The following ZNF93 variants were observed in gnomAD, a reference collection of about 807,000 sequenced individuals.
ZNF93 encodes the protein zinc finger protein 505.
A neutral mutation model predicts 45.0 loss-of-function variants in ZNF93; 29 were observed. The observed-to-expected ratio is 0.64, with a 90% CI of 0.48 to 0.88. The LOEUF (loss-of-function observed/expected upper bound fraction) is 0.88. ZNF93 is among the 40% of genes least tolerant of loss of function. The pLI is 0.00. For missense variants in ZNF93, 578 were observed against 724.0 expected, an observed-to-expected ratio of 0.80 and a Z score of 2.31; for synonymous variants, 223 against 244.6, an observed-to-expected ratio of 0.91 and a Z score of 0.82.
chr19:19,927,461 A>T (rs982246519), intron 3 of ZNF93: 1 of 346,552 alleles, frequency 2.9e-6, no homozygotes, highest in African/African-American at 2.1e-5. Flanking sequence ...ATGTCCATTA[A>T]GTAACAACTG....
At chr19:19,901,711 C>T (rs541629762) in intron 1 of ZNF93, among the ~76,000 whole-genome samples, 2 of 152,254 alleles carry the variant, frequency 1.3e-5, no homozygotes, top group East Asian at 1.9e-4. Flanking sequence ...AAGTTTGTGT[C>T]TAGCCCAACC....
intron 1 of ZNF93, among the ~76,000 whole-genome samples, chr19:19,914,529 A>T (rs1201791129): frequency 6.6e-6 from 1 of 152,212 alleles, no homozygotes; most frequent in Non-Finnish European, 1.5e-5. Flanking sequence ...GTCCTAGTGC[A>T]GTTAATGGTT....
At position 19,933,943 on chromosome 19, in the gene ZNF93, A is replaced by G. The variant is rs1385850118; in HGVS notation, c.988A>G (p.Thr330Ala). The G allele has an allele frequency of 6.2e-7, 1 of 1,610,328 alleles. No homozygotes were observed. The highest frequency in any genetic ancestry group is 1.7e-5 in the Admixed American group (1 of 59,708). Residue 330 changes from threonine to alanine, a missense_variant, in exon 4 of 4, where the codon ACA becomes GCA. Around this residue, in one of 3 missense-constraint regions of ZNF93, gnomAD observed 446 missense variants for 547.6 expected, o/e 0.81. Transcript: ENST00000343769. The stretch of plus-strand genomic sequence containing the variant: ...CTTTAAGTACTCCCGTATCCTTACT[A>G]CACATAAGAGAATTCATACTGGAGA... ...KAFKYSRILTTHKRIHTGEKP... is the reference protein window; with the variant it reads ...KAFKYSRILTAHKRIHTGEKP...
At position 19,915,413 on chromosome 19, in the gene ZNF93, A is replaced by G; in HGVS notation, c.130+7A>G. On this transcript the variant is annotated splice_region_variant and intron_variant, in intron 2 of 3. Transcript: ENST00000343769. ...AGTAACCTGGTCTTCCTTGGTGAGG[A>G]TAACTTTAATACATAATTCATAATA... is the stretch of plus-strand genomic sequence containing the variant. The G allele has an allele frequency of 6.2e-7, 1 of 1,611,854 alleles. No individual in the cohort carries two copies. The highest frequency in any genetic ancestry group is 8.5e-7 in the Non-Finnish European group (1 of 1,179,136).
intron 3 of ZNF93, among the ~76,000 whole-genome samples, chr19:19,918,923 G>GTT (rs543275965): frequency 4.0e-5 from 6 of 148,386 alleles, no homozygotes; most frequent in South Asian, 2.1e-4. Flanking sequence ...TCTGATGGTA[G>GTT]TTTTTTTTTT....
In ZNF93 at chr19:19,933,906, ATG is replaced by A. The variant is rs770473216; in HGVS notation, c.954_955del (p.Cys318TrpfsTer5). 8 of 1,613,272 alleles carry A rather than the reference ATG, an allele frequency of 5.0e-6. No homozygotes were observed. Among genetic ancestry groups the A allele is most frequent in the Non-Finnish European group, 5.1e-6 (6 of 1,179,788 alleles). On this transcript the variant is annotated frameshift_variant, in exon 4 of 4. Coordinates refer to ENST00000343769, the MANE Select transcript of ZNF93 (RefSeq NM_031218.4). LOFTEE classifies it high-confidence loss of function. ...GAGAGAAGCCCTACGTTTGTGAAGAATGTGGCAAAGCCTTTAAGTACTCCCGT... is the reference window on the plus strand; with the variant it reads ...GAGAGAAGCCCTACGTTTGTGAAGAATGGCAAAGCCTTTAAGTACTCCCGT... ...TGEKPYVCEE[C>X]GKAFKYSRIL...
At chr19:19,909,019 A>G (rs942886059) in intron 1 of ZNF93, 1 of 152,502 alleles carries the variant, frequency 6.6e-6, no homozygotes, top group Non-Finnish European at 1.5e-5. Context: ...CTGAAAATTC[A>G]GAAGTATTTT....
intron 1 of ZNF93, among the ~76,000 whole-genome samples, chr19:19,903,336 T>C (rs1290904674): frequency 6.6e-6 from 1 of 152,122 alleles, no homozygotes; most frequent in East Asian, 1.9e-4. Flanking sequence ...AGCATGTTCT[T>C]AGGAGGGATG....
intron 2 of ZNF93, among the ~76,000 whole-genome samples, chr19:19,916,171 A>G (rs537474510): frequency 9.4e-4 from 143 of 151,860 alleles, no homozygotes; most frequent in African/African-American, 3.3e-3. Flanking sequence ...GGTTCAAGCA[A>G]TTCTCCTGAC....
chr19:19,921,787 A>G (rs1323864627), intron 3 of ZNF93, among the ~76,000 whole-genome samples: 1 of 151,032 alleles, frequency 6.6e-6, no homozygotes, highest in East Asian at 1.9e-4. Flanking sequence ...TTTGTTTTCC[A>G]TTTGCTTGGT....
intron 1 of ZNF93, chr19:19,908,433 G>A (rs1055136114): frequency 1.4e-4 from 22 of 152,186 alleles, no homozygotes; most frequent in African/African-American, 5.1e-4. Context: ...GAGAGTAGCT[G>A]TGCACTTTGG....
chr19:19,907,788 C>G, intron 1 of ZNF93: 1 of 152,138 alleles, frequency 6.6e-6, no homozygotes. Flanking sequence ...ATTCACCCAC[C>G]ACAGCCTCCC....
chr19:19,930,454 C>T (rs970431443), intron 3 of ZNF93, among the ~76,000 whole-genome samples: 1 of 152,118 alleles, frequency 6.6e-6, no homozygotes, highest in African/African-American at 2.4e-5. Flanking sequence ...AGAGTCTTCT[C>T]TAAACTCCCC....
At chr19:19,920,060 C>A (rs1323408586) in intron 3 of ZNF93, among the ~76,000 whole-genome samples, 2 of 152,092 alleles carry the variant, frequency 1.3e-5, no homozygotes, top group Non-Finnish European at 2.9e-5. Flanking sequence ...CAGTTTTTGC[C>A]CATTCAGTAT....
At chr19:19,905,021 C>G (rs1180502035) in intron 1 of ZNF93, among the ~76,000 whole-genome samples, 1 of 152,170 alleles carries the variant, frequency 6.6e-6, no homozygotes, top group Admixed American at 6.5e-5. Context: ...TATCCCCACC[C>G]CCAGACACTG....
At chr19:19,903,151 A>G (rs770801298) in intron 1 of ZNF93, among the ~76,000 whole-genome samples, 5 of 152,230 alleles carry the variant, frequency 3.3e-5, no homozygotes, top group Non-Finnish European at 7.3e-5. Flanking sequence ...AAGTATTACA[A>G]CAGGAGGAAG....
rs1166894398 is a variant in ZNF93 at position 19,935,135 on chromosome 19, G to T, written c.*317G>T. ...AAATGCTCTCTGGTACTCACTGAAA[G>T]CCACACTCATCCACATCCTGATACA... On this transcript the variant is annotated 3_prime_UTR_variant, in exon 4 of 4. Transcript: ENST00000343769. The T allele has an allele frequency of 1.3e-5, 4 of 297,934 alleles. No individual in the cohort carries two copies. Among genetic ancestry groups the T allele is most frequent in the African/African-American group, 2.2e-5 (1 of 46,128 alleles). 18.5% of individuals were successfully genotyped at this position (297,934 alleles called of 1,614,324 possible). A position where few individuals can be genotyped will look rare whatever the true frequency, so the allele number is the denominator to read the frequency against.
At position 19,934,711 on chromosome 19, in the gene ZNF93, A is replaced by G; in HGVS notation, c.1756A>G (p.Ile586Val). The part of the protein sequence containing the change: ...HSATLSSHKK[I>V]HSGEKPYECD... ...TGCAACCCTTTCTTCACATAAGAAA[A>G]TCCATTCTGGAGAGAAACCATACGA... Residue 586 changes from isoleucine (I) to valine (V), a missense_variant, in exon 4 of 4, where the codon ATC becomes GTC. Transcript: ENST00000343769. 6.2e-7 allele frequency: 1 copy of G among 1,613,632 alleles called. No individual in the cohort carries two copies. The highest frequency in any genetic ancestry group is 2.2e-5 in the East Asian group (1 of 44,868).
At chr19:19,903,043 G>A (rs1467421233) in intron 1 of ZNF93, among the ~76,000 whole-genome samples, 1 of 152,112 alleles carries the variant, frequency 6.6e-6, no homozygotes, top group East Asian at 1.9e-4. Context: ...CCGGCCTTTG[G>A]GAGGATCTTA....
Sources: allele counts gnomAD v4.1 joint callset (sites outside exome capture counted in the v4.1 genomes callset), GRCh38; gene constraint gnomAD v4.1.1; regional missense constraint gnomAD v4.1.1; transcripts MANE v1.5; gene names NCBI Gene and HGNC (gene_info 2026-07-23, HGNC 2026-07-21).